Variants in MINDY3 observed in about 807,000 individuals in gnomAD.
The protein encoded by MINDY3 is MINDY lysine 48 deubiquitinase 3.
Under a neutral mutation model 69.2 loss-of-function variants are expected in MINDY3, and 38 were observed. That is an observed-to-expected ratio of 0.55 (90% CI 0.42 to 0.72). MINDY3 has a LOEUF of 0.72. Among genes scored for constraint, MINDY3 ranks in the 30% least tolerant of loss-of-function variants. The probability of loss-of-function intolerance (pLI) is 0.00; values close to 1 mark genes in which losing one functional copy is unlikely to be tolerated. For synonymous variants in MINDY3, 192 were observed against 180.1 expected (o/e 1.07, Z -0.53); for missense variants, 522 against 519.0 (o/e 1.01, Z -0.06).
At chr10:15,836,930 A>C (rs77224872) in intron 6 of MINDY3, among the ~76,000 whole-genome samples, 2,476 of 152,046 alleles carry the variant, frequency 0.016, 81 homozygotes, top group African/African-American at 0.057. Context: ...CAAGTGCTAC[A>C]CGGAAGGATC....
chr10:15,819,205 G>C (rs933834119), intron 9 of MINDY3, among the ~76,000 whole-genome samples: 2 of 152,062 alleles, frequency 1.3e-5, no homozygotes, highest in East Asian at 1.9e-4. Context: ...ATCAAAGCAC[G>C]GGGAAATGTT....
At chr10:15,850,683 G>T (rs111580233) in intron 1 of MINDY3, among the ~76,000 whole-genome samples, 19,907 of 152,024 alleles carry the variant, frequency 0.13, 3,055 homozygotes, top group African/African-American at 0.37. Flanking sequence ...TGACAATGCC[G>T]GCCCAGTACA....
intron 10 of MINDY3, among the ~76,000 whole-genome samples, chr10:15,798,597 T>C (rs1397734263): frequency 6.6e-6 from 1 of 151,856 alleles, no homozygotes; most frequent in Admixed American, 6.6e-5. Context: ...CTGGCCAACA[T>C]GGTGAAACCC....
At chr10:15,796,322 A>G in intron 10 of MINDY3, 150 bp from the exon 11 acceptor site, 1 of 632,786 alleles carries the variant, frequency 1.6e-6, no homozygotes, top group Non-Finnish European at 2.8e-6. Flanking sequence ...ATAGGTCATA[A>G]ACTCTCCAGG....
chr10:15,816,082 A>G (rs1294439676), intron 10 of MINDY3, among the ~76,000 whole-genome samples: 3 of 152,080 alleles, frequency 2.0e-5, no homozygotes, highest in African/African-American at 4.8e-5. Flanking sequence ...CCTGGCCAAC[A>G]TGGCGAAACT....
At position 15,816,085 on chromosome 10, in the gene MINDY3, G is replaced by T. The variant is rs111377198; in HGVS notation, c.882+750C>A. ...GTTTGAGACCAGCCTGGCCAACATG[G>T]CGAAACTGTCTCTACTAAAAACACA... On this transcript the variant is annotated intron_variant, in intron 10 of 14. Coordinates refer to ENST00000277632, the MANE Select transcript of MINDY3 (RefSeq NM_024948.4). Among the ~76,000 whole-genome samples, 395 of 152,030 alleles carry T rather than the reference G, an allele frequency of 2.6e-3. 5 individuals are homozygous for T. The highest frequency in any genetic ancestry group is 8.9e-3 in the African/African-American group (371 of 41,488).
intron 6 of MINDY3, among the ~76,000 whole-genome samples, chr10:15,835,991 T>G (rs1193833598): frequency 6.6e-5 from 10 of 152,090 alleles, no homozygotes; most frequent in Non-Finnish European, 1.0e-4. Context: ...CAAAAAGATC[T>G]TGTCACTCCC....
chr10:15,779,271 T>G, intron 14 of MINDY3, 130 bp from the exon 15 acceptor site: 1 of 674,964 alleles, frequency 1.5e-6, no homozygotes, highest in Non-Finnish European at 2.2e-6. Flanking sequence ...ACATGTAATT[T>G]TATTTTGCTA....
chr10:15,822,356 G>C (rs1332709490), intron 8 of MINDY3, among the ~76,000 whole-genome samples: 3 of 152,128 alleles, frequency 2.0e-5, no homozygotes, highest in African/African-American at 7.2e-5. Context: ...ACACGGAGTG[G>C]TATGAGAGTA....
In MINDY3 at chr10:15,841,430, A is replaced by G; in HGVS notation, c.405T>C (p.His135=). ...GGAAATAAAAATATATCTTACAAGA[A>G]TGTTCCACTTGGCAACTAGACTCTG... is the stretch of plus-strand genomic sequence containing the variant. ...SPAESSCQVE[H]SSALAVEELG... is the part of the protein sequence containing the mutation. The change falls in exon 4 of 15, where the codon CAT becomes CAC. Residue 135 remains histidine (H), a synonymous_variant. Transcript: ENST00000277632. The G allele has an allele frequency of 6.2e-7, 1 of 1,606,464 alleles. No individual in the cohort carries two copies. The highest frequency in any genetic ancestry group is 8.5e-7 in the Non-Finnish European group (1 of 1,176,436).
intron 13 of MINDY3, among the ~76,000 whole-genome samples, chr10:15,782,822 A>C (rs993237226): frequency 3.3e-5 from 5 of 152,206 alleles, no homozygotes; most frequent in African/African-American, 1.2e-4. Context: ...AGGATATCCT[A>C]TATATCACTA....
At position 15,778,520 on chromosome 10, in the gene MINDY3, T is replaced by C. The variant is rs1165237561; in HGVS notation, c.*472A>G. The stretch of plus-strand genomic sequence containing the variant: ...AGGTTGACAATGTGTTATTTGTCAA[T>C]ATTTCTAATGAAAAACAGATCTTAG... On this transcript the variant is annotated 3_prime_UTR_variant, in exon 15 of 15. Coordinates refer to ENST00000277632, the MANE Select transcript of MINDY3 (RefSeq NM_024948.4). The C allele has an allele frequency of 1.3e-5, 2 of 152,578 alleles. No homozygotes were observed. Among genetic ancestry groups the C allele is most frequent in the Admixed American group, 1.3e-4 (2 of 15,304 alleles). The allele number at this position is 152,578 out of a possible 1,614,324, so 9.5% of individuals were successfully genotyped here.
intron 2 of MINDY3, among the ~76,000 whole-genome samples, chr10:15,844,353 A>C (rs1394000796): frequency 6.6e-6 from 1 of 152,188 alleles, no homozygotes; most frequent in East Asian, 1.9e-4. Flanking sequence ...TGAGATGGGG[A>C]TATTCATTAT....
intron 8 of MINDY3, among the ~76,000 whole-genome samples, chr10:15,826,149 G>T (rs1840072174): frequency 6.6e-6 from 1 of 152,166 alleles, no homozygotes; most frequent in Non-Finnish European, 1.5e-5. Context: ...GTAGAGAGGA[G>T]AAAGACCACA....
chr10:15,834,032 T>A (rs1166041098), intron 7 of MINDY3, among the ~76,000 whole-genome samples: 1 of 152,004 alleles, frequency 6.6e-6, no homozygotes, highest in Non-Finnish European at 1.5e-5. Flanking sequence ...TAATTATTAA[T>A]ATTTTGTCTT....
In MINDY3 at chr10:15,821,523, GA is replaced by G. The variant is rs1839759956; in HGVS notation, c.801+132del. 5.1e-6 allele frequency: 3 copies of G among 592,882 alleles called. No homozygotes were observed. The South Asian group carries it at 8.5e-5, about 17-fold the overall frequency. 36.7% of individuals were successfully genotyped at this position (592,882 alleles called of 1,614,324 possible). A position where few individuals can be genotyped will look rare whatever the true frequency, so the allele number is the denominator to read the frequency against. On this transcript the variant is annotated intron_variant, in intron 9 of 14. Transcript: ENST00000277632. The stretch of plus-strand genomic sequence containing the variant: ...ATAACCCTGCTGGTTTAGGGTGGGG[GA>G]TAGGAAGGAAGAAGAGAGCGGTACT...
intron 1 of MINDY3, among the ~76,000 whole-genome samples, chr10:15,848,981 A>G (rs766072082): frequency 6.6e-6 from 1 of 152,240 alleles, no homozygotes; most frequent in Non-Finnish European, 1.5e-5. Flanking sequence ...TATTATGCCA[A>G]TCATCTAGGA....
intron 8 of MINDY3, among the ~76,000 whole-genome samples, chr10:15,826,043 AAG>A (rs1840065719): frequency 6.6e-6 from 1 of 152,188 alleles, no homozygotes; most frequent in African/African-American, 2.4e-5. Context: ...TAAGATAAAA[AAG>A]AGACCATGAC....
In MINDY3 at chr10:15,789,303, G is replaced by A. The variant is rs374357850; in HGVS notation, c.972C>T (p.Pro324=). The A allele has an allele frequency of 1.6e-5, 25 of 1,610,534 alleles. No homozygotes were observed. Among genetic ancestry groups the A allele is most frequent in the African/African-American group, 9.4e-5 (7 of 74,702 alleles). ...TYDPEDNGFI[P]DSLLEDVMKA... is the part of the protein sequence containing the mutation. ...TCATCACATCTTCCAGAAGTGAATC[G>A]GGTATGAATCCATTATCTAGGGGGG... Residue 324 remains proline, a synonymous_variant, in exon 12 of 15, where the codon CCC becomes CCT. Transcript: ENST00000277632.
Sources: allele counts gnomAD v4.1 joint callset (sites outside exome capture counted in the v4.1 genomes callset), GRCh38; gene constraint gnomAD v4.1.1; transcripts MANE v1.5; gene names NCBI Gene and HGNC (gene_info 2026-07-23, HGNC 2026-07-21).